The following FTO variants were observed in gnomAD, a reference collection of about 807,000 sequenced individuals.
FTO encodes the protein alpha-ketoglutarate-dependent dioxygenase FTO.
FTO carries 47 observed loss-of-function variants against 63.9 expected under a neutral mutation model. The ratio of observed to expected loss-of-function variants is 0.74; its 90% CI spans 0.58 to 0.94. The LOEUF is 0.94. Ranked by LOEUF, FTO falls within the 40% of genes least tolerant of loss-of-function variation. FTO has a pLI of 0.00. For synonymous variants in FTO, 207 were observed against 224.4 expected (o/e 0.92, Z 0.69); for missense variants, 562 against 618.1 (o/e 0.91, Z 0.96).
chr16:53,794,113 G>A (rs1047383245), intron 1 of FTO, among the ~76,000 whole-genome samples: 1 of 152,184 alleles, frequency 6.6e-6, no homozygotes, highest in Non-Finnish European at 1.5e-5. Context: ...ATTATTTGTT[G>A]ATGGACATGT....
intron 1 of FTO, among the ~76,000 whole-genome samples, chr16:53,796,656 A>C (rs1385689715): frequency 6.6e-6 from 1 of 152,224 alleles, no homozygotes; most frequent in Non-Finnish European, 1.5e-5. Flanking sequence ...CAAGAAGTAG[A>C]AAATCTGAAT....
chr16:53,757,862 G>T (rs2151590724), intron 1 of FTO, among the ~76,000 whole-genome samples: 1 of 152,296 alleles, frequency 6.6e-6, no homozygotes, highest in East Asian at 1.9e-4. Flanking sequence ...TGTGGTAAGG[G>T]TGCTTAGATG....
At chr16:53,797,075 CCCTT>C (rs1442372817) in intron 1 of FTO, among the ~76,000 whole-genome samples, 2 of 152,194 alleles carry the variant, frequency 1.3e-5, no homozygotes, top group African/African-American at 4.8e-5. Flanking sequence ...CTTTCTCTCT[CCCTT>C]TTAAAAAATA....
intron 7 of FTO, among the ~76,000 whole-genome samples, chr16:53,915,272 C>T (rs1181176749): frequency 6.6e-6 from 1 of 152,176 alleles, no homozygotes; most frequent in Admixed American, 6.5e-5. Flanking sequence ...CTTTTTAACA[C>T]TTTACATTCC....
At chr16:53,866,193 A>G (rs1313498205) in intron 4 of FTO, among the ~76,000 whole-genome samples, 3 of 152,110 alleles carry the variant, frequency 2.0e-5, no homozygotes, top group Non-Finnish European at 1.5e-5. Flanking sequence ...GTGATAGATT[A>G]TATTAGTTGA....
At chr16:53,806,497 T>C (rs1368123110) in intron 1 of FTO, among the ~76,000 whole-genome samples, 3 of 152,228 alleles carry the variant, frequency 2.0e-5, no homozygotes, top group African/African-American at 7.2e-5. Context: ...CCTTGCTTTT[T>C]ACTTCCCAAT....
chr16:53,776,727 C>A (rs1264486083), intron 1 of FTO, among the ~76,000 whole-genome samples: 1 of 152,110 alleles, frequency 6.6e-6, no homozygotes, highest in Non-Finnish European at 1.5e-5. Flanking sequence ...CTGCACATCT[C>A]TTTACTGTCT....
chr16:53,726,847 G>T (rs755547884), intron 1 of FTO, among the ~76,000 whole-genome samples: 1 of 152,156 alleles, frequency 6.6e-6, no homozygotes. Context: ...TGGAGATGTT[G>T]GTGAATGACA....
At chr16:54,058,147 C>T (rs1471335668) in intron 8 of FTO, among the ~76,000 whole-genome samples, 1 of 151,924 alleles carries the variant, frequency 6.6e-6, no homozygotes, top group Non-Finnish European at 1.5e-5. Flanking sequence ...CTCGCTCTGT[C>T]GTCAAGACTG....
Position 53,826,405 on chromosome 16 carries a change from G to T in FTO, c.665G>T (p.Gly222Val). Residue 222 changes from glycine to valine, a missense_variant, in exon 3 of 9, where the codon GGC (glycine) becomes GTC (valine). Gly to Val is a moderately radical substitution (Grantham distance 109). Transcript: ENST00000471389. ...TACCTGAAAGAGGAACCTTATTTTG[G>T]CATGGGGAAAATGGCAGTGAGCTGG... Reference protein sequence around the residue: ...MPYLKEEPYFGMGKMAVSWHH... With the variant: ...MPYLKEEPYFVMGKMAVSWHH... The T allele has an allele frequency of 6.2e-7, 1 of 1,614,136 alleles. No individual in the cohort carries two copies. Among genetic ancestry groups the T allele is most frequent in the East Asian group, 2.2e-5 (1 of 44,876 alleles).
At chr16:53,824,919 A>G (rs982598794) in intron 2 of FTO, among the ~76,000 whole-genome samples, 1 of 152,242 alleles carries the variant, frequency 6.6e-6, no homozygotes, top group Admixed American at 6.5e-5. Context: ...AGTCCTAAGG[A>G]AAGTGGTAGC....
At chr16:53,824,202 C>G (rs1005714723) in intron 2 of FTO, among the ~76,000 whole-genome samples, 9 of 152,234 alleles carry the variant, frequency 5.9e-5, no homozygotes, top group African/African-American at 1.9e-4. Flanking sequence ...ACCACGACCT[C>G]TAGGGCTATG....
At chr16:54,107,597 G>A (rs933997059) in intron 8 of FTO, among the ~76,000 whole-genome samples, 2 of 152,194 alleles carry the variant, frequency 1.3e-5, no homozygotes, top group Admixed American at 6.5e-5. Context: ...TCAGTTTGGA[G>A]AGACTATCTG....
At chr16:53,810,589 C>T (rs550825039) in intron 2 of FTO, among the ~76,000 whole-genome samples, 89 of 152,270 alleles carry the variant, frequency 5.8e-4, no homozygotes, top group African/African-American at 1.9e-3. Context: ...GCTTACCCTA[C>T]CTACAAGTCA....
chr16:54,034,937 C>T (rs550565666), intron 8 of FTO, among the ~76,000 whole-genome samples: 10 of 152,300 alleles, frequency 6.6e-5, no homozygotes, highest in Middle Eastern at 3.4e-3. Flanking sequence ...GAAAGTGCAT[C>T]CCTTCCAAAC....
chr16:54,016,257 G>A (rs1391818645), intron 8 of FTO, among the ~76,000 whole-genome samples: 1 of 144,834 alleles, frequency 6.9e-6, no homozygotes, highest in Non-Finnish European at 1.5e-5. Flanking sequence ...AAACCTGGAT[G>A]TTTCCCCAGA....
chr16:53,825,823 G>C, intron 2 of FTO, 41 bp from the exon 3 acceptor site: 3 of 1,602,798 alleles, frequency 1.9e-6, no homozygotes, highest in South Asian at 1.1e-5. Flanking sequence ...TACAATTGTA[G>C]CTATATATCA....
chr16:53,704,061 T>G (rs1971786044), upstream of FTO: 1 of 1,055,638 alleles, frequency 9.5e-7, no homozygotes, highest in South Asian at 1.3e-5. Flanking sequence ...TTGTAGTTTT[T>G]TCTACTCAGA....
chr16:53,772,638 G>C (rs2077365667), intron 1 of FTO, among the ~76,000 whole-genome samples: 1 of 152,088 alleles, frequency 6.6e-6, no homozygotes, highest in Non-Finnish European at 1.5e-5. Flanking sequence ...CCATTAGCTT[G>C]AGGAAGACAT....
Sources: gnomAD v4.1 joint callset for allele counts (sites outside exome capture counted in the v4.1 genomes callset) on GRCh38, gnomAD v4.1.1 for gene constraint, MANE v1.5 for transcripts, NCBI Gene and HGNC (gene_info 2026-07-23, HGNC 2026-07-21) for gene names.